The following SPACA7 variants were observed in gnomAD, a reference collection of about 807,000 sequenced individuals.
The protein encoded by SPACA7 is sperm acrosome-associated protein 7.
In SPACA7, 19 loss-of-function variants were observed where a neutral mutation model predicts 26.3. That is an observed-to-expected ratio of 0.72 (90% CI 0.50 to 1.06). SPACA7 has a LOEUF of 1.06. Among genes scored for constraint, SPACA7 ranks in the 50% least tolerant of loss-of-function variants. SPACA7 has a pLI of 0.00. For missense variants in SPACA7, 211 were observed against 229.9 expected (o/e 0.92, Z 0.53); for synonymous variants, 84 against 84.5 (o/e 0.99, Z 0.04).
At chr13:112,403,483 G>A (rs1885775845) in intron 5 of SPACA7, among the ~76,000 whole-genome samples, 1 of 151,946 alleles carries the variant, frequency 6.6e-6, no homozygotes, top group African/African-American at 2.4e-5. Flanking sequence ...ACATGAATAA[G>A]TTCTTTAGGG....
At chr13:112,384,975 AT>A (rs1884430204) in intron 1 of SPACA7, among the ~76,000 whole-genome samples, 1 of 152,208 alleles carries the variant, frequency 6.6e-6, no homozygotes, top group South Asian at 2.1e-4. Flanking sequence ...ATAAGGTAAG[AT>A]TTTTATAAAC....
chr13:112,434,188 G>A (rs928668935), intron 6 of SPACA7, among the ~76,000 whole-genome samples: 11 of 152,196 alleles, frequency 7.2e-5, no homozygotes, highest in African/African-American at 2.7e-4. Context: ...CATGAGGGGA[G>A]GAGGAGGAGG....
Position 112,398,215 on chromosome 13 carries a change from G to A in SPACA7, c.241+77G>A, listed in dbSNP as rs770505844. On this transcript the variant is annotated intron_variant, in intron 3 of 6. Transcript: ENST00000283550. The stretch of plus-strand genomic sequence containing the variant: ...CCTGGAGGTCTGTGGTATGGAATAC[G>A]TGACCCTATAATTTGAGCATTAAGA... 2.8e-4 allele frequency: 303 copies of A among 1,093,462 alleles called. 1 individual carries two copies. The highest frequency in any genetic ancestry group is 3.7e-4 in the Admixed American group (21 of 56,820). 67.7% of individuals were successfully genotyped at this position (1,093,462 alleles called of 1,614,324 possible). A position where few individuals can be genotyped will look rare whatever the true frequency, so the allele number is the denominator to read the frequency against.
intron 1 of SPACA7, among the ~76,000 whole-genome samples, chr13:112,392,435 C>T (rs571562582): frequency 1.1e-4 from 16 of 152,302 alleles, no homozygotes; most frequent in Admixed American, 7.8e-4. Flanking sequence ...AATCACTTTG[C>T]TTATGAAGGA....
chr13:112,417,481 C>G (rs2139031110), intron 5 of SPACA7, among the ~76,000 whole-genome samples: 1 of 151,998 alleles, frequency 6.6e-6, no homozygotes, highest in Middle Eastern at 3.4e-3. Context: ...TAAGTGTATC[C>G]TCTGATATTT....
chr13:112,418,585 T>C (rs181410546), intron 5 of SPACA7, among the ~76,000 whole-genome samples: 1 of 152,288 alleles, frequency 6.6e-6, no homozygotes, highest in Non-Finnish European at 1.5e-5. Context: ...ACACTTTGGG[T>C]CAGAGGGCAC....
intron 5 of SPACA7, among the ~76,000 whole-genome samples, chr13:112,414,705 C>T (rs1448243742): frequency 6.6e-6 from 1 of 152,144 alleles, no homozygotes; most frequent in Non-Finnish European, 1.5e-5. Context: ...AGCCACCGTG[C>T]CCAACCTTTT....
At position 112,434,560 on chromosome 13, in the gene SPACA7, C is replaced by A; in HGVS notation, c.*11C>A. On this transcript the variant is annotated 3_prime_UTR_variant, in exon 7 of 7. Transcript: ENST00000283550. Reference sequence around the variant, plus strand: ...CAAGGCAGTCAGTGAGGCCGCAGCCCCAGACCCCCTGCGCAGGAGAGGAGC... The same window carrying A: ...CAAGGCAGTCAGTGAGGCCGCAGCCACAGACCCCCTGCGCAGGAGAGGAGC... The A allele has an allele frequency of 6.3e-7, 1 of 1,599,110 alleles. No homozygotes were observed. The highest frequency in any genetic ancestry group is 8.5e-7 in the Non-Finnish European group (1 of 1,173,434).
At chr13:112,433,434 G>T (rs1211144065) in intron 6 of SPACA7, among the ~76,000 whole-genome samples, 2 of 149,490 alleles carry the variant, frequency 1.3e-5, no homozygotes, top group Non-Finnish European at 3.0e-5. Context: ...AGAGAGCCCT[G>T]CCTGGGAGCT....
intron 5 of SPACA7, among the ~76,000 whole-genome samples, chr13:112,424,816 A>T (rs879739709): frequency 2.0e-5 from 3 of 152,096 alleles, no homozygotes; most frequent in Non-Finnish European, 2.9e-5. Flanking sequence ...CTGTCTGTTC[A>T]TGCTGTCTCA....
At chr13:112,381,416 C>T (rs1884049027) in intron 1 of SPACA7, among the ~76,000 whole-genome samples, 1 of 151,486 alleles carries the variant, frequency 6.6e-6, no homozygotes, top group Non-Finnish European at 1.5e-5. Context: ...TCACCTGAGC[C>T]CAAGAGGTCG....
intron 5 of SPACA7, among the ~76,000 whole-genome samples, chr13:112,429,833 G>T: frequency 1.3e-5 from 2 of 152,118 alleles, no homozygotes; most frequent in South Asian, 4.1e-4. Flanking sequence ...CTATTATTGA[G>T]CCTGTTCTTT....
Position 112,376,435 on chromosome 13 carries a change from G to A in SPACA7, c.50G>A (p.Cys17Tyr). 3.1e-6 allele frequency: 5 copies of A among 1,613,858 alleles called. No homozygotes were observed. Among genetic ancestry groups the A allele is most frequent in the African/African-American group, 1.3e-5 (1 of 75,056 alleles). ...ACCCTCTGCTTTGTCCTCCTGCTGT[G>A]CTGTTGGCAAGAAACTGAGCTCCGG... The part of the protein sequence containing the change: ...DGTLCFVLLL[C>Y]CWQETELRPR... Residue 17 changes from cysteine (C) to tyrosine (Y), a missense_variant, in exon 1 of 7, where the codon TGC (cysteine) becomes TAC (tyrosine). Coordinates refer to ENST00000283550, the MANE Select transcript of SPACA7 (RefSeq NM_145248.5).
chr13:112,421,951 G>T (rs1422034978), intron 5 of SPACA7, among the ~76,000 whole-genome samples: 1 of 152,114 alleles, frequency 6.6e-6, no homozygotes, highest in Non-Finnish European at 1.5e-5. Flanking sequence ...AGTCACTGGG[G>T]CCTACTTGAG....
At chr13:112,386,949 C>G (rs1344280380) in intron 1 of SPACA7, among the ~76,000 whole-genome samples, 1 of 152,008 alleles carries the variant, frequency 6.6e-6, no homozygotes, top group Non-Finnish European at 1.5e-5. Flanking sequence ...AAGGAAAATT[C>G]AAGAGAGGAA....
At chr13:112,418,090 A>G (rs1028739035) in intron 5 of SPACA7, among the ~76,000 whole-genome samples, 1 of 152,164 alleles carries the variant, frequency 6.6e-6, no homozygotes, top group African/African-American at 2.4e-5. Context: ...AGAAGATTCA[A>G]TTTACTTATT....
At chr13:112,376,613 C>T in intron 1 of SPACA7, 134 bp downstream of exon 1, 5 of 953,600 alleles carry the variant, frequency 5.2e-6, no homozygotes, top group Non-Finnish European at 7.5e-6. Flanking sequence ...ATGAATGTAG[C>T]TGAAAAGTCT....
intron 5 of SPACA7, among the ~76,000 whole-genome samples, chr13:112,402,876 G>T (rs1415157986): frequency 2.6e-5 from 4 of 151,912 alleles, no homozygotes; most frequent in Admixed American, 2.0e-4. Context: ...TCTTAGAATG[G>T]TATTAGATTC....
Position 112,393,095 on chromosome 13 carries a change from A to G in SPACA7, c.151+18A>G. On this transcript the variant is annotated intron_variant, in intron 2 of 6. Coordinates refer to ENST00000283550, the MANE Select transcript of SPACA7 (RefSeq NM_145248.5). ...ATTATTAGGTAAGGAAGCCCCTCCT[A>G]TCAACCTCTGGCCTGTACGTGAAGA... 6.2e-7 allele frequency: 1 copy of G among 1,609,568 alleles called. No homozygotes were observed. Among genetic ancestry groups the G allele is most frequent in the African/African-American group, 1.3e-5 (1 of 74,998 alleles).
Sources: allele counts gnomAD v4.1 joint callset (sites outside exome capture counted in the v4.1 genomes callset), GRCh38; gene constraint gnomAD v4.1.1; transcripts MANE v1.5; gene names NCBI Gene and HGNC (gene_info 2026-07-23, HGNC 2026-07-21).